NAALADL2: variants seen among roughly 807,000 people sequenced by gnomAD.
The protein encoded by NAALADL2 is inactive N-acetylated-alpha-linked acidic dipeptidase-like protein 2.
A neutral mutation model predicts 87.2 loss-of-function variants in NAALADL2; 76 were observed. The ratio of observed to expected loss-of-function variants is 0.87; its 90% confidence interval spans 0.72 to 1.05. The LOEUF (loss-of-function observed/expected upper bound fraction) is 1.05, where lower values mean the gene tolerates loss of function less well. Among genes scored for constraint, NAALADL2 ranks in the 50% least tolerant of loss-of-function variants. The pLI, the probability that NAALADL2 is intolerant of heterozygous loss-of-function variation, is 0.00. For synonymous variants in NAALADL2, 354 were observed against 331.0 expected (o/e 1.07, Z -0.75); for missense variants, 1,089 against 945.8 (o/e 1.15, Z -1.99).
intron 2 of NAALADL2, among the ~76,000 whole-genome samples, chr3:174,577,813 C>T (rs915979542): frequency 8.6e-5 from 13 of 151,872 alleles, no homozygotes; most frequent in Admixed American, 4.6e-4. Context: ...TTTACTCAGA[C>T]GAATCAGATC....
intron 2 of NAALADL2, among the ~76,000 whole-genome samples, chr3:174,701,646 A>T (rs890630453): frequency 6.7e-6 from 1 of 149,654 alleles, no homozygotes; most frequent in Non-Finnish European, 1.5e-5. Flanking sequence ...TGATCTGCTA[A>T]CTTTTACTAT....
intron 9 of NAALADL2, among the ~76,000 whole-genome samples, chr3:175,518,026 G>A (rs1442615317): frequency 6.6e-6 from 1 of 152,168 alleles, no homozygotes; most frequent in Non-Finnish European, 1.5e-5. Context: ...GAAAGGAGGA[G>A]AGAAGATGGA....
In NAALADL2 at chr3:174,686,324, A is replaced by G. The variant is rs186750540; in HGVS notation, c.-114-51317A>G. Among the ~76,000 whole-genome samples the G allele has an allele frequency of 2.9e-3, 443 of 152,240 alleles. 1 individual carries two copies. The highest frequency in any genetic ancestry group is 6.8e-3 in the Middle Eastern group (2 of 294). ...GTTCCTTTTTCTCCACAACCTTGGCAGCATCTGTTATTTATTTATTTTCAT... is the reference window on the plus strand; with the variant it reads ...GTTCCTTTTTCTCCACAACCTTGGCGGCATCTGTTATTTATTTATTTTCAT... On this transcript the variant is annotated intron_variant, in intron 2 of 3. Transcript: ENST00000434257.
At chr3:175,007,546 T>G (rs971559855) in intron 1 of NAALADL2, among the ~76,000 whole-genome samples, 1 of 152,162 alleles carries the variant, frequency 6.6e-6, no homozygotes, top group South Asian at 2.1e-4. Flanking sequence ...AGATTTAGTA[T>G]GTCTGGAATG....
At chr3:175,403,776 CAT>C (rs1199572572) in intron 5 of NAALADL2, among the ~76,000 whole-genome samples, 1 of 152,070 alleles carries the variant, frequency 6.6e-6, no homozygotes, top group Non-Finnish European at 1.5e-5. Context: ...ACTTAAGAAA[CAT>C]TGGCTGCCAC....
At chr3:175,633,107 C>A (rs75808641) in intron 11 of NAALADL2, among the ~76,000 whole-genome samples, 2,075 of 152,048 alleles carry the variant, frequency 0.014, 50 homozygotes, top group Admixed American at 0.044. Flanking sequence ...TCATGTAGTC[C>A]TCAAGACAGA....
At chr3:174,758,000 A>C (rs1349740320) in intron 3 of NAALADL2, among the ~76,000 whole-genome samples, 2 of 152,344 alleles carry the variant, frequency 1.3e-5, no homozygotes, top group Non-Finnish European at 1.5e-5. Flanking sequence ...AAGGCCTTTA[A>C]AATTAGCAAG....
At chr3:174,451,152 C>T (rs1031326077) in intron 1 of NAALADL2, among the ~76,000 whole-genome samples, 1 of 152,250 alleles carries the variant, frequency 6.6e-6, no homozygotes, top group Non-Finnish European at 1.5e-5. Context: ...GGTATGATGA[C>T]ATATGTCTCT....
At chr3:174,932,498 C>T (rs1266392352) in intron 1 of NAALADL2, among the ~76,000 whole-genome samples, 2 of 152,076 alleles carry the variant, frequency 1.3e-5, no homozygotes, top group African/African-American at 4.8e-5. Flanking sequence ...GTGAATGAAA[C>T]AGCAAGCAGA....
chr3:175,111,375 A>AT (rs1724161854), intron 2 of NAALADL2, among the ~76,000 whole-genome samples: 1 of 151,650 alleles, frequency 6.6e-6, no homozygotes, highest in Non-Finnish European at 1.5e-5. Flanking sequence ...AATAGAGGTT[A>AT]CACAGAATGT....
intron 11 of NAALADL2, among the ~76,000 whole-genome samples, chr3:175,729,394 G>A (rs1370973848): frequency 6.6e-6 from 1 of 152,122 alleles, no homozygotes; most frequent in Non-Finnish European, 1.5e-5. Context: ...GAAGGACTCT[G>A]TACTTCTATA....
In NAALADL2 at chr3:175,413,567, CA is replaced by C. The variant is rs766955477; in HGVS notation, c.1091-33645del. Among the ~76,000 whole-genome samples the C allele has an allele frequency of 1.9e-3, 253 of 132,564 alleles. 1 individual carries two copies. Among genetic ancestry groups the C allele is most frequent in the African/African-American group, 6.2e-3 (213 of 34,492 alleles). The allele number at this position is 132,564 out of a possible 152,430, so 87.0% of individuals were successfully genotyped here. A position where few individuals can be genotyped will look rare whatever the true frequency, so the allele number is the denominator to read the frequency against. On this transcript the variant is annotated intron_variant, in intron 5 of 13. Transcript: ENST00000454872. ...CCTGGGCGACAGAGCGAGACTCCAT[CA>C]AAAAAAAAAAAAAAAATCCCAAACA... is the stretch of plus-strand genomic sequence containing the variant.
intron 2 of NAALADL2, among the ~76,000 whole-genome samples, chr3:174,659,524 T>A (rs147767653): frequency 5.9e-5 from 9 of 152,310 alleles, no homozygotes; most frequent in African/African-American, 1.9e-4. Flanking sequence ...CAGATAACTG[T>A]GCTGATTCTT....
chr3:175,042,140 T>TA (rs1175742951), intron 1 of NAALADL2, among the ~76,000 whole-genome samples: 2 of 152,190 alleles, frequency 1.3e-5, no homozygotes, highest in Admixed American at 1.3e-4. Context: ...TAGACTTTTT[T>TA]TAGATTCCAC....
At chr3:174,665,241 C>T (rs1327196042) in intron 2 of NAALADL2, among the ~76,000 whole-genome samples, 1 of 152,072 alleles carries the variant, frequency 6.6e-6, no homozygotes, top group Non-Finnish European at 1.5e-5. Context: ...AACCAAACAG[C>T]CCTAAGAAAA....
At chr3:174,864,799 C>A (rs141147076) in intron 1 of NAALADL2, among the ~76,000 whole-genome samples, 136 of 152,082 alleles carry the variant, frequency 8.9e-4, no homozygotes, top group Middle Eastern at 3.4e-3. Flanking sequence ...AGCCAAACTT[C>A]TTTGTATCAC....
At chr3:175,571,018 T>C (rs1243795489) in intron 9 of NAALADL2, among the ~76,000 whole-genome samples, 1 of 152,198 alleles carries the variant, frequency 6.6e-6, no homozygotes, top group African/African-American at 2.4e-5. Context: ...TAAATGCTTA[T>C]GTATGCAGGA....
chr3:175,166,044 T>A (rs1032206067), intron 2 of NAALADL2, among the ~76,000 whole-genome samples: 3 of 151,100 alleles, frequency 2.0e-5, no homozygotes, highest in African/African-American at 7.4e-5. Flanking sequence ...TCCATATTTT[T>A]TTTTTTTTTT....
chr3:175,496,432 T>A (rs981290812), intron 9 of NAALADL2, among the ~76,000 whole-genome samples: 4 of 152,144 alleles, frequency 2.6e-5, no homozygotes, highest in African/African-American at 9.6e-5. Flanking sequence ...ATCATTTATA[T>A]AAAATTATTA....
Sources: allele counts gnomAD v4.1 joint callset (sites outside exome capture counted in the v4.1 genomes callset), GRCh38; gene constraint gnomAD v4.1.1; transcripts MANE v1.5; gene names NCBI Gene and HGNC (gene_info 2026-07-23, HGNC 2026-07-21).